GBF1: variants seen among roughly 807,000 people sequenced by gnomAD.
The protein encoded by GBF1 is golgi brefeldin A resistant guanine nucleotide exchange factor 1, also known as Golgi-specific brefeldin A-resistance guanine nucleotide exchange factor 1.
A neutral mutation model predicts 210.5 loss-of-function variants in GBF1; 114 were observed. The observed-to-expected ratio is 0.54, with a 90% CI of 0.47 to 0.63. The LOEUF is 0.63. Among genes scored for constraint, GBF1 ranks in the 30% least tolerant of loss-of-function variants. GBF1 has a pLI of 0.00. For synonymous variants in GBF1, 850 were observed against 889.2 expected (o/e 0.96, Z 0.78); for missense variants, 1,851 against 2,357.7 (o/e 0.79, Z 4.45).
the GBF1 span, chr10:102,231,624 G>A: frequency 0.62 from 1,003,836 of 1,608,126 alleles, 315,660 homozygotes; most frequent in African/African-American, 0.75. Flanking sequence ...TCCACACGGC[G>A]ATCTCCTCGC....
chr10:102,370,065 T>C lies in GBF1; in HGVS notation c.3339+81T>C, dbSNP rs2060121208. ...ACTTGGTGAACTGAAGAATAAATCA[T>C]CCAGGATTTGTAACCAGGGCTGACT... On this transcript the variant is annotated intron_variant, in intron 26 of 39. Coordinates refer to ENST00000369983, the MANE Select transcript of GBF1 (RefSeq NM_001377137.1). The C allele has an allele frequency of 7.0e-6, 11 of 1,575,058 alleles. No homozygotes were observed. The Admixed American group carries it at 1.7e-4, about 24-fold the overall frequency.
At chr10:102,290,335 A>G (rs937099751) in intron 3 of GBF1, among the ~76,000 whole-genome samples, 1 of 152,156 alleles carries the variant, frequency 6.6e-6, no homozygotes, top group Non-Finnish European at 1.5e-5. Flanking sequence ...AGAATTTTCC[A>G]TGCATTTACC....
At chr10:102,280,008 C>T (rs528633533) in intron 3 of GBF1, among the ~76,000 whole-genome samples, 7 of 152,050 alleles carry the variant, frequency 4.6e-5, no homozygotes, top group Admixed American at 3.9e-4. Context: ...CCAGTAGTCC[C>T]AGCTACTTGA....
At position 102,375,459 on chromosome 10, in the gene GBF1, A is replaced by T. The variant is rs146219589; in HGVS notation, c.3761A>T (p.Asn1254Ile). The change falls in exon 30 of 40, where the codon AAT becomes ATT. Residue 1254 changes from asparagine (N) to isoleucine (I), a missense_variant. Coordinates refer to ENST00000369983, the MANE Select transcript of GBF1 (RefSeq NM_001377137.1). The stretch of plus-strand genomic sequence containing the variant: ...GGGCTCCATGAACTCCTGAAGACCA[A>T]TGCAGCCAACATCCACTCAGGTGAT... Reference protein sequence around the residue: ...AYGLHELLKTNAANIHSGDDW... With the variant: ...AYGLHELLKTIAANIHSGDDW... The T allele has an allele frequency of 6.2e-7, 1 of 1,613,602 alleles. No homozygotes were observed.
At position 102,266,042 on chromosome 10, in the gene GBF1, C is replaced by G. The variant is rs562027706; in HGVS notation, c.163+5926C>G. Among the ~76,000 whole-genome samples, 6 of 152,176 alleles carry G rather than the reference C, an allele frequency of 3.9e-5. No homozygotes were observed. The East Asian group carries it at 1.2e-3, about 29-fold the overall frequency. Reference sequence around the variant, plus strand: ...CACGAGGTCAGGAGATTGAGACCATCCTGGCGAACACGGTGAAACCCCGTC... The same window carrying G: ...CACGAGGTCAGGAGATTGAGACCATGCTGGCGAACACGGTGAAACCCCGTC... On this transcript the variant is annotated intron_variant, in intron 3 of 39. Coordinates refer to ENST00000369983, the MANE Select transcript of GBF1 (RefSeq NM_001377137.1).
chr10:102,258,866 A>G, intron 1 of GBF1, 63 bp from the exon 2 acceptor site: 3 of 818,948 alleles, frequency 3.7e-6, no homozygotes, highest in Non-Finnish European at 6.5e-6. Context: ...ACTGATTTTT[A>G]AACTTGGGTA....
At chr10:102,351,457 CTG>C (rs779939841) in intron 5 of GBF1, 83 bp downstream of exon 5, 55 of 845,540 alleles carry the variant, frequency 6.5e-5, no homozygotes, top group Non-Finnish European at 9.8e-5. Context: ...CAGCATGAAA[CTG>C]TGTTTTGACT....
rs548111121 is a variant in GBF1, at chr10:102,350,960, G to A, written c.296-296G>A. Among the ~76,000 whole-genome samples, 519 of 151,968 alleles carry A rather than the reference G, an allele frequency of 3.4e-3. 1 individual carries two copies. Among genetic ancestry groups the A allele is most frequent in the African/African-American group, 0.01 (418 of 41,446 alleles). ...AAATTAGCTGGGCATGGTGGTGGGCGCCTGTAATGCCAGCTACTCGGGAGG... is the reference window on the plus strand; with the variant it reads ...AAATTAGCTGGGCATGGTGGTGGGCACCTGTAATGCCAGCTACTCGGGAGG... On this transcript the variant is annotated intron_variant, in intron 4 of 39. Transcript: ENST00000369983.
intron 2 of GBF1, 126 bp from the exon 3 acceptor site, chr10:102,259,924 T>C: frequency 1.6e-6 from 1 of 612,836 alleles, no homozygotes; most frequent in Non-Finnish European, 2.9e-6. Flanking sequence ...TAATTTTCTT[T>C]TCCTCAGAAG....
At chr10:102,246,229 A>G (rs978883260) in intron 1 of GBF1, among the ~76,000 whole-genome samples, 4 of 152,200 alleles carry the variant, frequency 2.6e-5, no homozygotes, top group Admixed American at 2.6e-4. Flanking sequence ...CACTAATACA[A>G]AGGAACTGCT....
At chr10:102,268,797 G>A (rs2074125799) in intron 3 of GBF1, among the ~76,000 whole-genome samples, 1 of 152,180 alleles carries the variant, frequency 6.6e-6, no homozygotes, top group Admixed American at 6.5e-5. Flanking sequence ...TGATAACCCA[G>A]TTTCTGAAGT....
chr10:102,270,023 C>T (rs932452806), intron 3 of GBF1, among the ~76,000 whole-genome samples: 7 of 151,936 alleles, frequency 4.6e-5, no homozygotes, highest in African/African-American at 1.2e-4. Context: ...GGACTACAGG[C>T]GGCCGCCACC....
At chr10:102,233,691 C>T in the GBF1 span, among the ~76,000 whole-genome samples, 3 of 152,176 alleles carry the variant, frequency 2.0e-5, no homozygotes, top group Non-Finnish European at 4.4e-5. Context: ...GTGCTTGGGC[C>T]GGGCCTGGTC....
Position 102,264,985 on chromosome 10 carries a change from A to G in GBF1, c.163+4869A>G, listed in dbSNP as rs139229642. 2.2e-4 allele frequency among the ~76,000 whole-genome samples: 34 copies of G among 152,268 alleles called. 1 individual carries two copies. The highest frequency in any genetic ancestry group is 7.9e-4 in the African/African-American group (33 of 41,550). On this transcript the variant is annotated intron_variant, in intron 3 of 39. Coordinates refer to ENST00000369983, the MANE Select transcript of GBF1 (RefSeq NM_001377137.1). ...TAAGAATCTTTTGGGGCTCTTGCAT[A>G]TGGGAGTTATCTTCAGTCTCGCAGC...
chr10:102,260,450 G>A (rs1392036341), intron 3 of GBF1, among the ~76,000 whole-genome samples: 1 of 140,582 alleles, frequency 7.1e-6, no homozygotes, highest in Admixed American at 7.2e-5. Context: ...TTGAGCCACT[G>A]TGCCTGGCCT....
rs1010456959 is a variant in GBF1 at position 102,370,768 on chromosome 10, G to A, written c.3568G>A (p.Ala1190Thr). ...CCATCTATACCACCTCTGTGTTCAG[G>A]CACAAGATTTCTGCTTCCTTGTGGA... ...RDHLYHLCVQ[A>T]QDFCFLVERA... is the part of the protein sequence containing the mutation. Residue 1190 changes from alanine to threonine, a missense_variant, in exon 29 of 40, where the codon GCA becomes ACA. Physicochemically the swap from Ala to Thr is moderately conservative, Grantham distance 58. Transcript: ENST00000369983. 3 of 1,613,890 alleles carry A rather than the reference G, an allele frequency of 1.9e-6. No homozygotes were observed. Among genetic ancestry groups the A allele is most frequent in the Non-Finnish European group, 2.5e-6 (3 of 1,179,876 alleles).
intron 33 of GBF1, 112 bp from the exon 34 acceptor site, chr10:102,379,172 G>A: frequency 1.0e-6 from 1 of 959,778 alleles, no homozygotes; most frequent in Non-Finnish European, 1.6e-6. Context: ...GGTATGGCAT[G>A]ATTGGTGCTA....
chr10:102,346,621 C>T (rs1329544489), intron 4 of GBF1, among the ~76,000 whole-genome samples: 2 of 152,300 alleles, frequency 1.3e-5, no homozygotes, highest in East Asian at 3.9e-4. Context: ...GATCCTCCCA[C>T]CTCCGCCTCC....
chr10:102,360,488 T>C (rs2059533870), intron 12 of GBF1, 93 bp downstream of exon 12: 2 of 813,934 alleles, frequency 2.5e-6, no homozygotes, highest in African/African-American at 1.7e-5. Flanking sequence ...GTATAGGACC[T>C]AGGAAAGCAT....
Sources: allele counts gnomAD v4.1 joint callset (sites outside exome capture counted in the v4.1 genomes callset), GRCh38; gene constraint gnomAD v4.1.1; transcripts MANE v1.5; gene names NCBI Gene and HGNC (gene_info 2026-07-23, HGNC 2026-07-21).